Variants in ADARB2 observed in about 807,000 individuals in gnomAD.
ADARB2 encodes inactive double-stranded RNA-specific editase B2.
In ADARB2, 25 loss-of-function variants were observed where a neutral mutation model predicts 62.2. The ratio of observed to expected loss-of-function variants is 0.40; its 90% CI spans 0.29 to 0.56. The LOEUF (loss-of-function observed/expected upper bound fraction) is 0.56, where lower values mean the gene tolerates loss of function less well. Among genes scored for constraint, ADARB2 ranks in the 20% least tolerant of loss-of-function variants. The probability of loss-of-function intolerance (pLI) is 0.43; values close to 1 mark genes in which losing one functional copy is unlikely to be tolerated. For synonymous variants in ADARB2, 572 were observed against 500.8 expected (o/e 1.14, Z -1.90); for missense variants, 1,071 against 1,077.4 (o/e 0.99, Z 0.08).
chr10:1,400,056 G>C (rs991587278), intron 1 of ADARB2, among the ~76,000 whole-genome samples: 1 of 152,252 alleles, frequency 6.6e-6, no homozygotes, highest in Non-Finnish European at 1.5e-5. Context: ...AGCAGGTTCA[G>C]ATCAGGGGAA....
At chr10:1,332,683 C>T (rs1247309830) in intron 3 of ADARB2, among the ~76,000 whole-genome samples, 1 of 152,090 alleles carries the variant, frequency 6.6e-6, no homozygotes, top group African/African-American at 2.4e-5. Flanking sequence ...CTTCCAATGT[C>T]CCTCCCACTC....
At chr10:1,584,720 G>A (rs1286263987) in intron 1 of ADARB2, among the ~76,000 whole-genome samples, 1 of 152,164 alleles carries the variant, frequency 6.6e-6, no homozygotes, top group Non-Finnish European at 1.5e-5. Flanking sequence ...TGGATACATC[G>A]TCTGTGGTTC....
At chr10:1,489,751 A>G (rs1181849571) in intron 1 of ADARB2, among the ~76,000 whole-genome samples, 2 of 152,202 alleles carry the variant, frequency 1.3e-5, no homozygotes, top group Non-Finnish European at 2.9e-5. Context: ...AAGAATATGT[A>G]AGGAAGAAGA....
intron 6 of ADARB2, among the ~76,000 whole-genome samples, chr10:1,224,752 C>G (rs1589157025): frequency 6.6e-6 from 1 of 151,194 alleles, no homozygotes; most frequent in Admixed American, 6.6e-5. Context: ...GAGTTTCTTT[C>G]TAGTTTGATT....
At chr10:1,581,924 T>A (rs975088049) in intron 1 of ADARB2, among the ~76,000 whole-genome samples, 1 of 151,974 alleles carries the variant, frequency 6.6e-6, no homozygotes, top group African/African-American at 2.4e-5. Context: ...ACACAGTGGC[T>A]GTTTTCTCTG....
intron 3 of ADARB2, among the ~76,000 whole-genome samples, chr10:1,271,490 G>A (rs570941979): frequency 3.3e-5 from 5 of 152,304 alleles, no homozygotes; most frequent in African/African-American, 1.2e-4. Context: ...GTCTCAGGGT[G>A]CTCTTCTGGC....
chr10:1,196,029 G>A (rs1054446188), intron 8 of ADARB2, among the ~76,000 whole-genome samples: 2 of 151,980 alleles, frequency 1.3e-5, no homozygotes, highest in African/African-American at 2.4e-5. Flanking sequence ...TCTCTCTCCC[G>A]TCCGCTTACC....
intron 3 of ADARB2, among the ~76,000 whole-genome samples, chr10:1,345,784 C>T (rs1832075630): frequency 6.6e-6 from 1 of 152,208 alleles, no homozygotes; most frequent in East Asian, 1.9e-4. Context: ...TGTTTCTTGG[C>T]ATTGAAATCC....
intron 2 of ADARB2, among the ~76,000 whole-genome samples, chr10:1,369,968 T>C (rs5013178): frequency 0.13 from 20,072 of 152,258 alleles, 1,595 homozygotes; most frequent in South Asian, 0.28. Flanking sequence ...ATCACGCGGT[T>C]CACAAATGGA....
intron 1 of ADARB2, among the ~76,000 whole-genome samples, chr10:1,710,095 G>A (rs1291433067): frequency 6.6e-6 from 1 of 152,204 alleles, no homozygotes; most frequent in African/African-American, 2.4e-5. Context: ...AAACCGGGAA[G>A]GTTCACAGTT....
chr10:1,737,032 C>G lies in ADARB2; in HGVS notation c.100+19G>C, dbSNP rs766926018. 6 of 1,608,030 alleles carry G rather than the reference C, an allele frequency of 3.7e-6. No homozygotes were observed. The Admixed American group carries it at 1.0e-4, about 27-fold the overall frequency. On this transcript the variant is annotated intron_variant, in intron 1 of 9. Coordinates refer to ENST00000381312, the MANE Select transcript of ADARB2 (RefSeq NM_018702.4). ...GGGGGTGAAGGGGGGCAGGGGCCGG[C>G]GCGCCACGCGGTCCTTACCTTTCCG... is the stretch of plus-strand genomic sequence containing the variant.
chr10:1,480,290 A>C (rs2131923651), intron 1 of ADARB2, among the ~76,000 whole-genome samples: 1 of 152,400 alleles, frequency 6.6e-6, no homozygotes, highest in Non-Finnish European at 1.5e-5. Context: ...TAGAAAAACT[A>C]AAAGCATTGT....
chr10:1,383,485 T>A (rs974718839), intron 1 of ADARB2, among the ~76,000 whole-genome samples: 1 of 152,012 alleles, frequency 6.6e-6, no homozygotes, highest in African/African-American at 2.4e-5. Flanking sequence ...CATGTGGATA[T>A]GCCAGCAGTT....
intron 7 of ADARB2, among the ~76,000 whole-genome samples, chr10:1,211,851 G>A (rs557565324): frequency 6.6e-6 from 1 of 152,312 alleles, no homozygotes; most frequent in South Asian, 2.1e-4. Context: ...GGAGTGGTGA[G>A]TTTTGAGTAC....
rs1265668713 is a variant in ADARB2 at position 1,704,726 on chromosome 10, A to G, written c.100+32325T>C. On this transcript the variant is annotated intron_variant, in intron 1 of 9. Coordinates refer to ENST00000381312, the MANE Select transcript of ADARB2 (RefSeq NM_018702.4). This position sits in a 1 kb window ranked among gnomAD's most constrained non-coding sequence, Gnocchi z 5.6. The stretch of plus-strand genomic sequence containing the variant: ...CATGTGGGATTATTGATATTATTAC[A>G]AAGAATAAATCTGATAGGGTCTCAG... Among the ~76,000 whole-genome samples the G allele has an allele frequency of 1.3e-5, 2 of 152,238 alleles. No individual in the cohort carries two copies. Among genetic ancestry groups the G allele is most frequent in the Non-Finnish European group, 2.9e-5 (2 of 68,042 alleles).
intron 3 of ADARB2, among the ~76,000 whole-genome samples, chr10:1,300,169 C>T (rs913743856): frequency 2.6e-5 from 4 of 152,234 alleles, no homozygotes; most frequent in Non-Finnish European, 4.4e-5. Flanking sequence ...ATCATAGTTG[C>T]CTCTTAAGTA....
intron 1 of ADARB2, among the ~76,000 whole-genome samples, chr10:1,439,167 C>T (rs374916230): frequency 7.4e-5 from 10 of 135,448 alleles, no homozygotes; most frequent in Admixed American, 5.0e-4. Flanking sequence ...CACGATGGGG[C>T]TCCTGAGTCT....
chr10:1,720,675 A>G (rs564650377), intron 1 of ADARB2, among the ~76,000 whole-genome samples: 35 of 152,324 alleles, frequency 2.3e-4, no homozygotes, highest in African/African-American at 8.2e-4. Flanking sequence ...GAAATGGGAC[A>G]TTATTTCTAC....
intron 1 of ADARB2, among the ~76,000 whole-genome samples, chr10:1,414,175 C>T (rs1034982215): frequency 2.6e-5 from 4 of 152,204 alleles, no homozygotes; most frequent in South Asian, 2.1e-4. Flanking sequence ...ACCCAGGCTT[C>T]GTTTCCTTGA....
Sources: gnomAD v4.1 joint callset for allele counts (sites outside exome capture counted in the v4.1 genomes callset) on GRCh38, gnomAD v4.1.1 for gene constraint, Gnocchi (gnomAD v3.1) non-coding constraint, MANE v1.5 for transcripts, NCBI Gene and HGNC (gene_info 2026-07-23, HGNC 2026-07-21) for gene names.